IL12B: variants seen among roughly 807,000 people sequenced by gnomAD.
IL12B encodes the protein interleukin 12B.
IL12B carries 27 observed loss-of-function variants against 39.2 expected under a neutral mutation model. The observed-to-expected ratio is 0.69, with a 90% CI of 0.51 to 0.95. The LOEUF (loss-of-function observed/expected upper bound fraction) is 0.95. IL12B is among the 40% of genes least tolerant of loss of function. The pLI is 0.00. For synonymous variants in IL12B, 142 were observed against 152.1 expected (o/e 0.93, Z 0.49); for missense variants, 351 against 397.6 (o/e 0.88, Z 1.00).
intron 2 of IL12B, 38 bp downstream of exon 2, chr5:159,326,657 A>T: frequency 7.0e-7 from 1 of 1,429,902 alleles, no homozygotes; most frequent in East Asian, 2.3e-5. Context: ...CTGGCTTAGA[A>T]GTGGGGCCTC....
rs373631126 is a variant in IL12B at position 159,322,427 on chromosome 5, G to A, written c.449C>T (p.Thr150Ile). 6.2e-7 allele frequency: 1 copy of A among 1,612,556 alleles called. No individual in the cohort carries two copies. Among genetic ancestry groups the A allele is most frequent in the African/African-American group, 1.3e-5 (1 of 74,884 alleles). Reference sequence around the variant, plus strand: ...GCTTTTGACACTGAATGTCAAATCAGTACTGATTGTCGTCAGCCACCAGCA... The same window carrying A: ...GCTTTTGACACTGAATGTCAAATCAATACTGATTGTCGTCAGCCACCAGCA... ...FTCWWLTTIS[T>I]DLTFSVKSSR... is the part of the protein sequence containing the mutation. Residue 150 changes from threonine to isoleucine, a missense_variant, in exon 4 of 8, where the codon ACT (threonine) becomes ATT (isoleucine). Physicochemically the swap from Thr to Ile is moderately conservative, Grantham distance 89. Coordinates refer to ENST00000231228, the MANE Select transcript of IL12B (RefSeq NM_002187.3).
chr5:159,317,589 G>A (rs1410462445), intron 6 of IL12B, among the ~76,000 whole-genome samples: 1 of 152,226 alleles, frequency 6.6e-6, no homozygotes, highest in Non-Finnish European at 1.5e-5. Flanking sequence ...GGTGAAAGGA[G>A]TCTGGGGCGG....
At chr5:159,325,053 G>A (rs1042183155) in intron 2 of IL12B, among the ~76,000 whole-genome samples, 1 of 152,064 alleles carries the variant, frequency 6.6e-6, no homozygotes, top group African/African-American at 2.4e-5. Context: ...GGAAGCCCTA[G>A]AAGATGTTTG....
At position 159,315,642 on chromosome 5, in the gene IL12B, A is replaced by G. The variant is rs546509210; in HGVS notation, c.*459T>C. 10 of 152,884 alleles carry G rather than the reference A, an allele frequency of 6.5e-5. No individual in the cohort carries two copies. Among genetic ancestry groups the G allele is most frequent in the African/African-American group, 1.9e-4 (8 of 41,552 alleles). 9.5% of individuals were successfully genotyped at this position (152,884 alleles called of 1,614,324 possible). ...ACAAGTGTATGATGGCACTGGTATC[A>G]GAACACTGCATTCTTCCTGATTGTC... On this transcript the variant is annotated 3_prime_UTR_variant, in exon 8 of 8. Transcript: ENST00000231228.
rs1238049341 is a variant in IL12B at position 159,315,344 on chromosome 5, C to T, written c.*757G>A. On this transcript the variant is annotated 3_prime_UTR_variant, in exon 8 of 8. Transcript: ENST00000231228. ...AACAGCTGGGACCACAAGCATGAGC[C>T]ACCACGCCTGGCTAATTTTAAATTT... 6.6e-6 allele frequency: 1 copy of T among 152,190 alleles called. No homozygotes were observed. Among genetic ancestry groups the T allele is most frequent in the Non-Finnish European group, 1.5e-5 (1 of 68,066 alleles). 9.4% of individuals were successfully genotyped at this position (152,190 alleles called of 1,614,324 possible). A position where few individuals can be genotyped will look rare whatever the true frequency, so the allele number is the denominator to read the frequency against.
In IL12B at chr5:159,318,850, C is replaced by G. The variant is rs749098724; in HGVS notation, c.741G>C (p.Lys247Asn). Residue 247 changes from lysine to asparagine, a missense_variant, in exon 6 of 8, where the codon AAG becomes AAC. By Grantham distance (94) the Lys-to-Asn change is moderately conservative (BLOSUM62 0). Coordinates refer to ENST00000231228, the MANE Select transcript of IL12B (RefSeq NM_002187.3). ...AGCTGACCTCCACCTGCCGAGAATT[C>G]TTTAATGGCTTCAGCTGCAAGTTCT... is the stretch of plus-strand genomic sequence containing the variant. ...PPKNLQLKPLKNSRQVEVSWE... is the reference protein window; with the variant it reads ...PPKNLQLKPLNNSRQVEVSWE... 2 of 1,613,970 alleles carry G rather than the reference C, an allele frequency of 1.2e-6. No homozygotes were observed. Among genetic ancestry groups the G allele is most frequent in the Admixed American group, 1.7e-5 (1 of 60,006 alleles).
rs1753979459 is a variant in IL12B at position 159,315,774 on chromosome 5, A to G, written c.*327T>C. The stretch of plus-strand genomic sequence containing the variant: ...TGATCCTGATGGATCAGGTCATAAG[A>G]GTATGAAACATTCCATACATCCTGG... On this transcript the variant is annotated 3_prime_UTR_variant, in exon 8 of 8. Transcript: ENST00000231228. 1 of 152,782 alleles carries G rather than the reference A, an allele frequency of 6.5e-6. No homozygotes were observed. The highest frequency in any genetic ancestry group is 1.5e-5 in the Non-Finnish European group (1 of 68,036). 9.5% of individuals were successfully genotyped at this position (152,782 alleles called of 1,614,324 possible).
intron 4 of IL12B, among the ~76,000 whole-genome samples, chr5:159,321,347 T>TTTTA (rs1554156676): frequency 4.8e-5 from 7 of 146,406 alleles, no homozygotes; most frequent in African/African-American, 1.5e-4. Context: ...TATACACATT[T>TTTTA]TATATATATA....
chr5:159,323,035 T>C lies in IL12B; in HGVS notation c.364+19A>G. On this transcript the variant is annotated intron_variant, in intron 3 of 7. Transcript: ENST00000231228. ...TGAGCGAAAGAGAAAATTGATACTA[T>C]CCAAGGGTATAGAATTACCTTTCTG... The C allele has an allele frequency of 1.2e-6, 2 of 1,612,048 alleles. No individual in the cohort carries two copies. The highest frequency in any genetic ancestry group is 1.7e-6 in the Non-Finnish European group (2 of 1,178,220).
chr5:159,316,412 G>A (rs1753990097), intron 7 of IL12B, among the ~76,000 whole-genome samples: 1 of 152,214 alleles, frequency 6.6e-6, no homozygotes, highest in African/African-American at 2.4e-5. Context: ...TCTGCCTCCT[G>A]GCTACCTCTC....
intron 1 of IL12B, among the ~76,000 whole-genome samples, chr5:159,330,115 CA>C (rs1754253432): frequency 6.6e-6 from 1 of 152,206 alleles, no homozygotes; most frequent in African/African-American, 2.4e-5. Flanking sequence ...TGGGCATTAA[CA>C]TTTAGGAATA....
intron 7 of IL12B, 107 bp downstream of exon 7, chr5:159,316,578 C>T (rs1753993005): frequency 1.7e-6 from 2 of 1,201,644 alleles, no homozygotes; most frequent in Non-Finnish European, 2.4e-6. Context: ...CAACTGGGTG[C>T]TGGCCACTCC....
rs1296263369 is a variant in IL12B at position 159,315,834 on chromosome 5, A to G, written c.*267T>C. The G allele has an allele frequency of 6.6e-6, 1 of 152,646 alleles. No individual in the cohort carries two copies. Among genetic ancestry groups the G allele is most frequent in the Non-Finnish European group, 1.5e-5 (1 of 68,054 alleles). 9.5% of individuals were successfully genotyped at this position (152,646 alleles called of 1,614,324 possible). On this transcript the variant is annotated 3_prime_UTR_variant, in exon 8 of 8. Transcript: ENST00000231228. ...GTTAAATAACAGTAATATACTAATAAATACATAAATTACTTAAATATTTAA... is the reference window on the plus strand; with the variant it reads ...GTTAAATAACAGTAATATACTAATAGATACATAAATTACTTAAATATTTAA...
chr5:159,320,173 G>T, intron 5 of IL12B, 133 bp downstream of exon 5: 3 of 769,194 alleles, frequency 3.9e-6, no homozygotes, highest in Non-Finnish European at 6.8e-6. Context: ...TATCTACATC[G>T]TATTTTGTTT....
At chr5:159,326,907 CT>C (rs369549947) in intron 1 of IL12B, 125 bp from the exon 2 acceptor site, 219 of 697,944 alleles carry the variant, frequency 3.1e-4, no homozygotes, top group Middle Eastern at 6.8e-4. Context: ...ATTCTAGCTA[CT>C]TTTTTTTTAA....
chr5:159,326,804 G>A (rs1481088624), intron 1 of IL12B, 22 bp from the exon 2 acceptor site: 1 of 1,423,868 alleles, frequency 7.0e-7, no homozygotes, highest in Non-Finnish European at 9.9e-7. Context: ...GAGAGAAGCA[G>A]GGGGAAGAGA....
At chr5:159,318,679 A>T (rs141389963) in intron 6 of IL12B, 57 bp downstream of exon 6, 21 of 1,456,046 alleles carry the variant, frequency 1.4e-5, no homozygotes, top group Non-Finnish European at 1.9e-5. Flanking sequence ...TTCTCACTTT[A>T]TGGTGGGCCT....
chr5:159,322,644 A>G (rs1754112730), intron 3 of IL12B, 133 bp from the exon 4 acceptor site: 4 of 710,650 alleles, frequency 5.6e-6, no homozygotes, highest in African/African-American at 5.2e-5. Context: ...TAGCTCCATA[A>G]GGATTGGGAG....
At chr5:159,322,080 G>A (rs2853694) in intron 4 of IL12B, among the ~76,000 whole-genome samples, 1 of 151,908 alleles carries the variant, frequency 6.6e-6, no homozygotes, top group Non-Finnish European at 1.5e-5. Context: ...TGAATTCTCC[G>A]TTTATCCCTT....
Sources: allele counts gnomAD v4.1 joint callset (sites outside exome capture counted in the v4.1 genomes callset), GRCh38; gene constraint gnomAD v4.1.1; transcripts MANE v1.5; gene names NCBI Gene and HGNC (gene_info 2026-07-23, HGNC 2026-07-21).